Variants in CATSPERG observed in about 807,000 individuals in gnomAD.
The protein encoded by CATSPERG is cation channel sperm-associated auxiliary subunit gamma.
Under a neutral mutation model 145.0 loss-of-function variants are expected in CATSPERG, and 115 were observed. The ratio of observed to expected loss-of-function variants is 0.79; its 90% CI spans 0.68 to 0.93. The LOEUF (loss-of-function observed/expected upper bound fraction) is 0.93, where lower values mean the gene tolerates loss of function less well. Ranked by LOEUF, CATSPERG falls within the 40% of genes least tolerant of loss-of-function variation. CATSPERG has a pLI of 0.00. For synonymous variants in CATSPERG, 588 were observed against 589.0 expected, an observed-to-expected ratio of 1.00 and a Z score of 0.02; for missense variants, 1,296 against 1,490.1, an observed-to-expected ratio of 0.87 and a Z score of 2.14.
chr19:38,370,912 C>G lies in CATSPERG; in HGVS notation c.*120C>G. 9.0e-7 allele frequency: 1 copy of G among 1,115,428 alleles called. No homozygotes were observed. Among genetic ancestry groups the G allele is most frequent in the South Asian group, 1.5e-5 (1 of 66,908 alleles). 69.1% of individuals were successfully genotyped at this position (1,115,428 alleles called of 1,614,324 possible). A position where few individuals can be genotyped will look rare whatever the true frequency, so the allele number is the denominator to read the frequency against. ...TCTGTTTTGCTTGATGTTTACTTCTCGTTCAGACTCAAATAAAGCCTTTTT... is the reference window on the plus strand; with the variant it reads ...TCTGTTTTGCTTGATGTTTACTTCTGGTTCAGACTCAAATAAAGCCTTTTT... On this transcript the variant is annotated 3_prime_UTR_variant, in exon 29 of 29. Transcript: ENST00000409235.
intron 1 of CATSPERG, chr19:38,336,168 G>A: frequency 1.1e-5 from 5 of 456,386 alleles, no homozygotes; most frequent in South Asian, 4.7e-5. Flanking sequence ...AAGAAGTGGG[G>A]CAAGAAGGTG....
At chr19:38,367,096 C>A (rs1970462906) in intron 22 of CATSPERG, 60 bp from the exon 23 acceptor site, 1 of 1,499,136 alleles carries the variant, frequency 6.7e-7, no homozygotes, top group Non-Finnish European at 8.9e-7. Context: ...TGCCCCTTAC[C>A]CCTCCAGGGG....
At position 38,365,340 on chromosome 19, in the gene CATSPERG, C is replaced by T. The variant is rs998360021; in HGVS notation, c.2613+223C>T. The T allele has an allele frequency of 4.0e-5, 21 of 530,056 alleles. 1 individual carries two copies. The highest frequency in any genetic ancestry group is 1.6e-4 in the South Asian group (7 of 43,366). 32.8% of individuals were successfully genotyped at this position (530,056 alleles called of 1,614,324 possible). A position where few individuals can be genotyped will look rare whatever the true frequency, so the allele number is the denominator to read the frequency against. On this transcript the variant is annotated intron_variant, in intron 22 of 28. Transcript: ENST00000409235. Reference sequence around the variant, plus strand: ...TTGCCCAGGCTGGAGTGCGGCGGCGCGGTCTTGGCTCACTTTGCCTCCTTG... The same window carrying T: ...TTGCCCAGGCTGGAGTGCGGCGGCGTGGTCTTGGCTCACTTTGCCTCCTTG...
intron 26 of CATSPERG, among the ~76,000 whole-genome samples, chr19:38,368,925 A>G (rs1970500485): frequency 6.6e-6 from 1 of 151,902 alleles, no homozygotes; most frequent in Admixed American, 6.6e-5. Context: ...AGCCTCCCAA[A>G]GTACTGGGAT....
At chr19:38,364,741 G>T (rs577242630) in intron 20 of CATSPERG, 150 bp from the exon 21 acceptor site, 1 of 669,940 alleles carries the variant, frequency 1.5e-6, no homozygotes, top group East Asian at 2.7e-5. Flanking sequence ...CCAACACCCC[G>T]TTAGCCTATT....
In CATSPERG at chr19:38,353,263, A is replaced by G. The variant is rs535813263; in HGVS notation, c.997+831A>G. ...AAAGGAGAATTGCTTGAACCCAGGA[A>G]GCAGAGCTTGCAGTGAGCTGAGTTC... On this transcript the variant is annotated intron_variant, in intron 8 of 28. Transcript: ENST00000409235. Among the ~76,000 whole-genome samples the G allele has an allele frequency of 5.5e-4, 83 of 149,742 alleles. 1 individual carries two copies. Among genetic ancestry groups the G allele is most frequent in the African/African-American group, 1.9e-3 (76 of 40,582 alleles).
rs746876211 is a variant in CATSPERG, at chr19:38,362,404, G to T, written c.2186G>T (p.Trp729Leu). 2.5e-6 allele frequency: 4 copies of T among 1,614,174 alleles called. No homozygotes were observed. The highest frequency in any genetic ancestry group is 1.7e-5 in the Admixed American group (1 of 60,030). The change falls in exon 19 of 29, where the codon TGG becomes TTG. Residue 729 changes from tryptophan to leucine, a missense_variant. By Grantham distance (61) the Trp-to-Leu change is moderately conservative (BLOSUM62 -2). Transcript: ENST00000409235. Reference protein sequence around the residue: ...QDYYFFLASNWRSAGGVSIEM... With the variant: ...QDYYFFLASNLRSAGGVSIEM... ...TACTACTTCTTCTTGGCGAGCAATT[G>T]GCGAAGCGCGGGCGGCGTGTCCATA...
Position 38,367,745 on chromosome 19 carries a change from G to A in CATSPERG, c.2899G>A (p.Glu967Lys), listed in dbSNP as rs147603617. 72 of 1,613,990 alleles carry A rather than the reference G, an allele frequency of 4.5e-5. No individual in the cohort carries two copies. The highest frequency in any genetic ancestry group is 1.6e-4 in the Middle Eastern group (1 of 6,084). Residue 967 changes from glutamate to lysine, a missense_variant, in exon 25 of 29, where the codon GAA (glutamate) becomes AAA (lysine). Glu to Lys is a moderately conservative substitution (Grantham distance 56). Transcript: ENST00000409235. ...CAGCCTCAAGGACTACAGTGAGGAC[G>A]AAATCTACCGCTTCAACAGCCCCCT... is the stretch of plus-strand genomic sequence containing the variant. Reference protein sequence around the residue: ...LDSLKDYSEDEIYRFNSPLDK... With the variant: ...LDSLKDYSEDKIYRFNSPLDK...
At chr19:38,338,875 TATTA>T (rs748294753) in intron 3 of CATSPERG, among the ~76,000 whole-genome samples, 108 of 152,230 alleles carry the variant, frequency 7.1e-4, no homozygotes, top group African/African-American at 1.9e-3. Flanking sequence ...TCTTTGTTTT[TATTA>T]ATTAATTAAT....
At chr19:38,359,786 G>A (rs972797677) in intron 14 of CATSPERG, 133 of 1,324,162 alleles carry the variant, frequency 1.0e-4, no homozygotes, top group Admixed American at 1.3e-4. Context: ...CCGGAGCTAT[G>A]ATCCGATGTT....
At chr19:38,335,923 T>G (rs1600434830) in intron 1 of CATSPERG, 48 bp downstream of exon 1, 1 of 116,286 alleles carries the variant, frequency 8.6e-6, no homozygotes, top group Non-Finnish European at 1.6e-5. Context: ...GGCGGGGGGA[T>G]GCCGGGGACG....
intron 7 of CATSPERG, chr19:38,349,572 G>T (rs2145079161): frequency 6.6e-6 from 1 of 152,380 alleles, no homozygotes; most frequent in Middle Eastern, 3.4e-3. Context: ...TCATGGTTGG[G>T]GTCCAGGTAT....
In CATSPERG at chr19:38,362,888, T is replaced by G. The variant is rs1431073415; in HGVS notation, c.2475+56T>G. On this transcript the variant is annotated intron_variant, in intron 20 of 28. Transcript: ENST00000409235. The stretch of plus-strand genomic sequence containing the variant: ...GAGGTTTTGTTTTTTTTTTTTTTTT[T>G]TTTTTTTGGAGACAGGGTCTTGCTC... 7.1e-6 allele frequency: 9 copies of G among 1,269,246 alleles called. No individual in the cohort carries two copies. The Admixed American group carries it at 1.4e-4, about 19-fold the overall frequency. 78.6% of individuals were successfully genotyped at this position (1,269,246 alleles called of 1,614,324 possible).
chr19:38,358,560 AGGTGGGCCTCTACCACCCCTG>A lies in CATSPERG; in HGVS notation c.1496+8_1496+28del. On this transcript the variant is annotated splice_donor_variant and splice_donor_5th_base_variant and coding_sequence_variant and intron_variant, in exon 13 of 29. Coordinates refer to ENST00000409235, the MANE Select transcript of CATSPERG (RefSeq NM_021185.5). LOFTEE classifies it high-confidence loss of function. ...CATCTGGGGCAACTTCCTCCTGCAG[AGGTGGGCCTCTACCACCCCTG>A]GGTGGGCCAGGCATACTCTGTCTCC... The A allele has an allele frequency of 6.2e-7, 1 of 1,614,116 alleles. No individual in the cohort carries two copies. The highest frequency in any genetic ancestry group is 8.5e-7 in the Non-Finnish European group (1 of 1,179,992).
At position 38,370,506 on chromosome 19, in the gene CATSPERG, T is replaced by G. The variant is rs910284241; in HGVS notation, c.3214-20T>G. The G allele has an allele frequency of 6.2e-7, 1 of 1,614,046 alleles. No homozygotes were observed. The highest frequency in any genetic ancestry group is 1.3e-5 in the African/African-American group (1 of 75,052). ...ACCTTATCATGTGCCAACTCCTTAC[T>G]CATTCTTTGCTCCCTGCAGGTGTCA... is the stretch of plus-strand genomic sequence containing the variant. On this transcript the variant is annotated intron_variant, in intron 28 of 28. Transcript: ENST00000409235.
intron 20 of CATSPERG, 49 bp downstream of exon 20, chr19:38,362,881 T>TG (rs1568381992): frequency 4.0e-6 from 5 of 1,242,844 alleles, no homozygotes; most frequent in Admixed American, 2.0e-5. Flanking sequence ...GTTTTTTTTT[T>TG]TTTTTTTTTT....
At chr19:38,354,906 A>G in intron 9 of CATSPERG, 59 bp downstream of exon 9, 1 of 1,569,186 alleles carries the variant, frequency 6.4e-7, no homozygotes, top group Non-Finnish European at 8.7e-7. Flanking sequence ...CTCACCTCCG[A>G]GAATTCTAAC....
At chr19:38,352,216 G>C in intron 7 of CATSPERG, 45 bp from the exon 8 acceptor site, 1 of 1,541,958 alleles carries the variant, frequency 6.5e-7, no homozygotes, top group Non-Finnish European at 8.8e-7. Context: ...CATGGGGGCT[G>C]AGGCCAAGGC....
intron 1 of CATSPERG, chr19:38,336,691 C>G: frequency 4.3e-6 from 1 of 233,790 alleles, no homozygotes; most frequent in East Asian, 1.2e-4. Context: ...CGGGTGCGAT[C>G]GCAGGCAGAA....
Sources: gnomAD v4.1 joint callset for allele counts (sites outside exome capture counted in the v4.1 genomes callset) on GRCh38, gnomAD v4.1.1 for gene constraint, MANE v1.5 for transcripts, NCBI Gene and HGNC (gene_info 2026-07-23, HGNC 2026-07-21) for gene names.